The following RBKS variants were observed in gnomAD, a reference collection of about 807,000 sequenced individuals.
The protein encoded by RBKS is ribokinase.
Under a neutral mutation model 33.9 loss-of-function variants are expected in RBKS, and 33 were observed. The ratio of observed to expected loss-of-function variants is 0.97; its 90% CI spans 0.74 to 1.30. The LOEUF (loss-of-function observed/expected upper bound fraction) is 1.30. Ranked by LOEUF, RBKS falls within the 50% of genes most tolerant of loss-of-function variation. The probability of loss-of-function intolerance (pLI) is 0.00; values close to 1 mark genes in which losing one functional copy is unlikely to be tolerated. For synonymous variants in RBKS, 125 were observed against 143.0 expected (o/e 0.87, Z 0.90); for missense variants, 361 against 392.6 (o/e 0.92, Z 0.68).
At chr2:27,794,824 A>T (rs898111788) in intron 7 of RBKS, among the ~76,000 whole-genome samples, 1 of 152,080 alleles carries the variant, frequency 6.6e-6, no homozygotes, top group Non-Finnish European at 1.5e-5. Flanking sequence ...GGGTTTCAAC[A>T]TGTTGGCCAG....
chr2:27,782,832 G>T (rs1292549652), intron 7 of RBKS: 2 of 240,514 alleles, frequency 8.3e-6, no homozygotes, highest in Admixed American at 8.8e-5. Context: ...TTAAGGGTTG[G>T]GGAATTATTC....
chr2:27,811,740 A>T (rs1677989137), intron 7 of RBKS, among the ~76,000 whole-genome samples: 1 of 152,232 alleles, frequency 6.6e-6, no homozygotes, highest in African/African-American at 2.4e-5. Context: ...CCAAAAACAA[A>T]GAGAGTTCTA....
At chr2:27,839,226 A>C (rs1663418307) in intron 5 of RBKS, among the ~76,000 whole-genome samples, 1 of 152,250 alleles carries the variant, frequency 6.6e-6, no homozygotes, top group East Asian at 1.9e-4. Context: ...TTTGTTTGCC[A>C]AAGGCAAAAG....
At chr2:27,806,602 A>C (rs1429568479) in intron 7 of RBKS, among the ~76,000 whole-genome samples, 1 of 152,206 alleles carries the variant, frequency 6.6e-6, no homozygotes, top group Non-Finnish European at 1.5e-5. Context: ...GAACTGGAAC[A>C]CCTTGGTTAA....
intron 5 of RBKS, among the ~76,000 whole-genome samples, chr2:27,838,403 G>GA (rs1194064387): frequency 4.6e-5 from 7 of 152,004 alleles, no homozygotes; most frequent in South Asian, 2.1e-4. Context: ...AAATTTTAAG[G>GA]AAAAAATTAC....
chr2:27,807,996 T>C (rs1376042766), intron 7 of RBKS, among the ~76,000 whole-genome samples: 1 of 152,208 alleles, frequency 6.6e-6, no homozygotes, highest in African/African-American at 2.4e-5. Flanking sequence ...CCTCTCTAAT[T>C]TACAGCAAAT....
intron 2 of RBKS, among the ~76,000 whole-genome samples, chr2:27,856,398 C>G (rs977195919): frequency 6.6e-6 from 1 of 152,208 alleles, no homozygotes; most frequent in Non-Finnish European, 1.5e-5. Context: ...AACCTCCTAA[C>G]TGGAACATTT....
intron 7 of RBKS, among the ~76,000 whole-genome samples, chr2:27,783,662 C>A (rs1677331633): frequency 6.6e-6 from 1 of 152,148 alleles, no homozygotes; most frequent in African/African-American, 2.4e-5. Flanking sequence ...AATCCCAGCA[C>A]TTCGGGAGGC....
intron 1 of RBKS, among the ~76,000 whole-genome samples, chr2:27,878,523 T>C (rs1159934447): frequency 5.3e-5 from 8 of 152,224 alleles, no homozygotes; most frequent in Non-Finnish European, 1.2e-4. Context: ...CAGCATGATT[T>C]ATAGTCCTTT....
chr2:27,849,587 GAAAAAGAA>G lies in RBKS; in HGVS notation c.223-1498_223-1491del, dbSNP rs1558549865. On this transcript the variant is annotated intron_variant, in intron 2 of 7. Transcript: ENST00000302188. Reference sequence around the variant, plus strand: ...AAAAAAAAAAAAAAAAAAAAAAAAAGAAAAAGAAAAAAAGAAAAAAAAGAAAAGAAAAA... The same window carrying G: ...AAAAAAAAAAAAAAAAAAAAAAAAAGAAAAAGAAAAAAAAGAAAAGAAAAA... 1.5e-4 allele frequency among the ~76,000 whole-genome samples: 15 copies of G among 100,450 alleles called. 1 individual carries two copies. The highest frequency in any genetic ancestry group is 9.5e-4 in the South Asian group (3 of 3,148). 65.9% of individuals were successfully genotyped at this position (100,450 alleles called of 152,430 possible).
At chr2:27,868,312 T>C (rs571564642) in intron 1 of RBKS, among the ~76,000 whole-genome samples, 4 of 152,308 alleles carry the variant, frequency 2.6e-5, no homozygotes, top group African/African-American at 9.6e-5. Context: ...AGCTTAACAA[T>C]ATATTTGTAA....
At chr2:27,787,285 A>G (rs1362098182) in intron 7 of RBKS, among the ~76,000 whole-genome samples, 2 of 152,182 alleles carry the variant, frequency 1.3e-5, no homozygotes, top group Non-Finnish European at 2.9e-5. Flanking sequence ...CATAAAAATT[A>G]GCTGGGCACT....
chr2:27,844,358 T>TA (rs952031844), intron 4 of RBKS, among the ~76,000 whole-genome samples: 2 of 151,456 alleles, frequency 1.3e-5, no homozygotes, highest in Admixed American at 6.6e-5. Context: ...GGAAATAAGG[T>TA]AAAATATCCA....
At chr2:27,813,673 A>G (rs116259477) in intron 7 of RBKS, among the ~76,000 whole-genome samples, 1 of 152,044 alleles carries the variant, frequency 6.6e-6, no homozygotes, top group African/African-American at 2.4e-5. Flanking sequence ...ATATCTATAT[A>G]TATATATGTA....
At chr2:27,875,507 C>T (rs530999697) in intron 1 of RBKS, among the ~76,000 whole-genome samples, 1 of 152,104 alleles carries the variant, frequency 6.6e-6, no homozygotes, top group Admixed American at 6.5e-5. Context: ...GAGCTGCGAT[C>T]GCAACACTGC....
In RBKS at chr2:27,792,183, T is replaced by C. The variant is rs148658808; in HGVS notation, c.796-10395A>G. On this transcript the variant is annotated intron_variant, in intron 7 of 7. Transcript: ENST00000302188. ...ATATGGGAAGTTACTTGTCCTTATATTGAGAGCTCCAATTCCACCTCTGCT... is the reference window on the plus strand; with the variant it reads ...ATATGGGAAGTTACTTGTCCTTATACTGAGAGCTCCAATTCCACCTCTGCT... 2.8e-3 allele frequency among the ~76,000 whole-genome samples: 426 copies of C among 152,364 alleles called. 2 individuals are homozygous for C. Among genetic ancestry groups the C allele is most frequent in the Middle Eastern group, 0.014 (4 of 294 alleles).
chr2:27,833,355 A>G (rs2148205755), intron 5 of RBKS, among the ~76,000 whole-genome samples: 1 of 152,328 alleles, frequency 6.6e-6, no homozygotes, highest in Non-Finnish European at 1.5e-5. Context: ...CACTTACACA[A>G]AAGCTTACAT....
intron 1 of RBKS, among the ~76,000 whole-genome samples, chr2:27,860,358 T>C (rs1172404686): frequency 6.6e-6 from 1 of 152,210 alleles, no homozygotes; most frequent in Non-Finnish European, 1.5e-5. Flanking sequence ...ATGTGAATTC[T>C]TGGCTTACTG....
intron 1 of RBKS, among the ~76,000 whole-genome samples, chr2:27,866,148 T>C (rs1200465317): frequency 6.6e-6 from 1 of 152,170 alleles, no homozygotes; most frequent in Non-Finnish European, 1.5e-5. Flanking sequence ...TAAAAAGTCT[T>C]TAGGAAGTCT....
Sources: gnomAD v4.1 joint callset for allele counts (sites outside exome capture counted in the v4.1 genomes callset) on GRCh38, gnomAD v4.1.1 for gene constraint, MANE v1.5 for transcripts, NCBI Gene and HGNC (gene_info 2026-07-23, HGNC 2026-07-21) for gene names.